The following EYS variants were observed in gnomAD, a reference collection of about 807,000 sequenced individuals.
EYS encodes EGF-like photoreceptor maintenance factor.
In EYS, 250 loss-of-function variants were observed where a neutral mutation model predicts 282.1. The observed-to-expected ratio is 0.89, with a 90% CI of 0.80 to 0.98. The LOEUF (loss-of-function observed/expected upper bound fraction) is 0.98, where lower values mean the gene tolerates loss of function less well. EYS is among the 50% of genes least tolerant of loss of function. EYS has a pLI of 0.00. For missense variants in EYS, 4,016 were observed against 3,709.0 expected (o/e 1.08, Z -2.15); for synonymous variants, 1,355 against 1,282.9 (o/e 1.06, Z -1.20).
intron 2 of EYS, among the ~76,000 whole-genome samples, chr6:65,559,100 C>T (rs1465413928): frequency 6.6e-6 from 1 of 152,180 alleles, no homozygotes; most frequent in Non-Finnish European, 1.5e-5. Context: ...GGTGCAGTGG[C>T]TCATGCCTGT....
intron 22 of EYS, among the ~76,000 whole-genome samples, chr6:64,777,346 T>C (rs1773710989): frequency 1.3e-5 from 2 of 152,136 alleles, no homozygotes; most frequent in Admixed American, 6.6e-5. Context: ...TGATAAATAA[T>C]GACCCTAAAT....
At chr6:65,695,984 AT>A (rs1359076838) in intron 1 of EYS, among the ~76,000 whole-genome samples, 2 of 152,032 alleles carry the variant, frequency 1.3e-5, no homozygotes, top group African/African-American at 4.8e-5. Flanking sequence ...GCCGTATGAA[AT>A]CCCAGAATTC....
intron 13 of EYS, among the ~76,000 whole-genome samples, chr6:65,042,040 T>C (rs1314454989): frequency 2.0e-5 from 3 of 151,686 alleles, no homozygotes; most frequent in Non-Finnish European, 3.0e-5. Flanking sequence ...TTATTATTTC[T>C]CATGAATCTG....
chr6:64,306,592 T>G (rs1391325502), intron 30 of EYS, among the ~76,000 whole-genome samples: 2 of 152,134 alleles, frequency 1.3e-5, no homozygotes, highest in Non-Finnish European at 2.9e-5. Context: ...CAAGGACAAC[T>G]TTTTGAGAGT....
At chr6:65,175,884 T>A (rs760265154) in intron 12 of EYS, among the ~76,000 whole-genome samples, 1 of 151,568 alleles carries the variant, frequency 6.6e-6, no homozygotes, top group Non-Finnish European at 1.5e-5. Flanking sequence ...CTTAGTTAGT[T>A]GTGCTTGTTA....
At chr6:64,837,627 ATGAT>A (rs1214875502) in intron 19 of EYS, among the ~76,000 whole-genome samples, 1 of 147,546 alleles carries the variant, frequency 6.8e-6, no homozygotes, top group Non-Finnish European at 1.5e-5. Context: ...TGATATGTAT[ATGAT>A]AGATATATGA....
intron 12 of EYS, among the ~76,000 whole-genome samples, chr6:65,116,251 A>G (rs1775370818): frequency 6.6e-6 from 1 of 152,182 alleles, no homozygotes; most frequent in Non-Finnish European, 1.5e-5. Context: ...GTATGACTCT[A>G]TTACCAACCA....
At chr6:63,753,170 A>T (rs1241071655) in intron 41 of EYS, among the ~76,000 whole-genome samples, 4 of 141,828 alleles carry the variant, frequency 2.8e-5, no homozygotes, top group African/African-American at 7.7e-5. Flanking sequence ...ATATATATGT[A>T]TATATATTTT....
chr6:65,669,789 C>T (rs1768323340), intron 1 of EYS, among the ~76,000 whole-genome samples: 2 of 151,892 alleles, frequency 1.3e-5, no homozygotes, highest in Admixed American at 1.3e-4. Flanking sequence ...TTAACACCCG[C>T]ACAGTTGGAC....
chr6:65,482,092 GT>G (rs34779712), intron 5 of EYS, among the ~76,000 whole-genome samples: 26,839 of 152,088 alleles, frequency 0.18, 2,891 homozygotes, highest in East Asian at 0.27. Context: ...ATTATGCTGT[GT>G]TTGGAAATAA....
chr6:65,126,475 T>C (rs76513463), intron 12 of EYS, among the ~76,000 whole-genome samples: 381 of 152,288 alleles, frequency 2.5e-3, no homozygotes, highest in African/African-American at 8.4e-3. Context: ...CCATCACGTC[T>C]AATTCTTTGT....
intron 19 of EYS, among the ~76,000 whole-genome samples, chr6:64,828,207 A>G (rs2150026303): frequency 6.6e-6 from 1 of 151,988 alleles, no homozygotes; most frequent in East Asian, 1.9e-4. Context: ...ATCAAAAGGA[A>G]ACACCTGGAG....
chr6:65,446,962 A>G (rs1340263759), intron 5 of EYS, among the ~76,000 whole-genome samples: 3 of 151,734 alleles, frequency 2.0e-5, no homozygotes, highest in Non-Finnish European at 4.4e-5. Context: ...ATTAGTTATC[A>G]ATTATTAAAG....
chr6:64,306,357 C>T (rs1769444199), intron 30 of EYS, among the ~76,000 whole-genome samples: 1 of 152,076 alleles, frequency 6.6e-6, no homozygotes, highest in Admixed American at 6.5e-5. Flanking sequence ...CATAATACTC[C>T]CAAAATAACC....
chr6:65,331,482 T>C (rs1392114699), intron 11 of EYS: 1 of 895,228 alleles, frequency 1.1e-6, no homozygotes, highest in Non-Finnish European at 1.3e-6. Flanking sequence ...TAATTTTATA[T>C]AAAATACTTG....
chr6:65,426,336 C>T (rs1767662136), intron 5 of EYS, among the ~76,000 whole-genome samples: 1 of 152,004 alleles, frequency 6.6e-6, no homozygotes, highest in Non-Finnish European at 1.5e-5. Context: ...AAATTGCTCT[C>T]CACCTGTTGT....
At chr6:64,881,920 T>C (rs560414320) in intron 19 of EYS, among the ~76,000 whole-genome samples, 1 of 152,000 alleles carries the variant, frequency 6.6e-6, no homozygotes, top group East Asian at 1.9e-4. Context: ...AATAAGTTAA[T>C]TAAAAGTACT....
intron 22 of EYS, among the ~76,000 whole-genome samples, chr6:64,774,733 C>T (rs547778157): frequency 6.6e-6 from 1 of 152,038 alleles, no homozygotes; most frequent in Admixed American, 6.6e-5. Context: ...AAATTCCTCA[C>T]CTTGATTTGA....
intron 12 of EYS, among the ~76,000 whole-genome samples, chr6:65,157,939 T>C (rs1307634516): frequency 6.6e-6 from 1 of 150,804 alleles, no homozygotes; most frequent in Non-Finnish European, 1.5e-5. Flanking sequence ...GCAACCATAA[T>C]CTAGAAATGG....
Sources: gnomAD v4.1 joint callset for allele counts (sites outside exome capture counted in the v4.1 genomes callset) on GRCh38, gnomAD v4.1.1 for gene constraint, MANE v1.5 for transcripts, NCBI Gene and HGNC (gene_info 2026-07-23, HGNC 2026-07-21) for gene names.